DNAI4: variants seen among roughly 807,000 people sequenced by gnomAD.
DNAI4 encodes dynein axonemal intermediate chain 4, also known as WD repeat domain 78.
Under a neutral mutation model 105.8 loss-of-function variants are expected in DNAI4, and 85 were observed. That is an observed-to-expected ratio of 0.80 (90% CI 0.67 to 0.96). The LOEUF is 0.96. Among genes scored for constraint, DNAI4 ranks in the 40% least tolerant of loss-of-function variants. The pLI, the probability that DNAI4 is intolerant of heterozygous loss-of-function variation, is 0.00. For missense variants in DNAI4, 1,014 were observed against 1,005.6 expected, an observed-to-expected ratio of 1.01 and a Z score of -0.11; for synonymous variants, 352 against 331.5, an observed-to-expected ratio of 1.06 and a Z score of -0.67.
chr1:66,896,230 G>T (rs545766307), intron 2 of DNAI4, among the ~76,000 whole-genome samples: 2 of 152,120 alleles, frequency 1.3e-5, no homozygotes, highest in East Asian at 1.9e-4. Context: ...TTCAATTTTT[G>T]TTTGTCTGCT....
chr1:66,894,042 G>T (rs569005723), intron 2 of DNAI4, among the ~76,000 whole-genome samples: 1 of 152,036 alleles, frequency 6.6e-6, no homozygotes, highest in African/African-American at 2.4e-5. Context: ...CATAATATTT[G>T]ATAATAATAA....
At chr1:66,913,229 CT>C (rs1451329412) in intron 1 of DNAI4, among the ~76,000 whole-genome samples, 1 of 152,088 alleles carries the variant, frequency 6.6e-6, no homozygotes, top group African/African-American at 2.4e-5. Context: ...ACCAGCTGGT[CT>C]TAATTTCTCC....
At position 66,834,155 on chromosome 1, in the gene DNAI4, C is replaced by T. The variant is rs1314700695; in HGVS notation, c.1734-7G>A. On this transcript the variant is annotated splice_polypyrimidine_tract_variant and splice_region_variant and intron_variant, in intron 11 of 16. Coordinates refer to ENST00000371026, the MANE Select transcript of DNAI4 (RefSeq NM_024763.5). ...ATGTTTTTGAGGTGATTCACTAAAA[C>T]AGTAAAAAAAATACTAAACATATAA... 4 of 1,588,038 alleles carry T rather than the reference C, an allele frequency of 2.5e-6. No homozygotes were observed. The highest frequency in any genetic ancestry group is 2.3e-5 in the East Asian group (1 of 43,784).
intron 16 of DNAI4, among the ~76,000 whole-genome samples, chr1:66,817,891 C>T (rs1413775997): frequency 6.6e-6 from 1 of 152,114 alleles, no homozygotes; most frequent in Non-Finnish European, 1.5e-5. Context: ...TTAGGTAAAT[C>T]CCCTTAAATG....
At chr1:66,847,409 C>A in intron 8 of DNAI4, 75 bp downstream of exon 8, 1 of 1,415,764 alleles carries the variant, frequency 7.1e-7, no homozygotes, top group South Asian at 1.3e-5. Context: ...TCCTCTTCCT[C>A]AGCCTCCCAA....
intron 1 of DNAI4, among the ~76,000 whole-genome samples, chr1:66,918,737 T>C (rs1463769584): frequency 6.6e-6 from 1 of 152,124 alleles, no homozygotes; most frequent in Non-Finnish European, 1.5e-5. Flanking sequence ...CCATGAGAGA[T>C]CAGATAAAAC....
In DNAI4 at chr1:66,924,776, C is replaced by T. The variant is rs778416970; in HGVS notation, c.56G>A (p.Trp19Ter). 86 of 1,613,826 alleles carry T rather than the reference C, an allele frequency of 5.3e-5. No homozygotes were observed. Among genetic ancestry groups the T allele is most frequent in the Non-Finnish European group, 7.0e-5 (83 of 1,179,806 alleles). Residue 19 changes from tryptophan to a stop codon, truncating the protein, a stop_gained, in exon 1 of 17, where the codon TGG (tryptophan) becomes TAG (stop). Coordinates refer to ENST00000371026, the MANE Select transcript of DNAI4 (RefSeq NM_024763.5). LOFTEE classifies it high-confidence loss of function. ...GCCGCCTCTGAAGTCCCTGTACCCC[C>T]AAGCTCCTCCGTTAGCGGCTCGGGC... Reference protein sequence around the residue: ...ASARAANGGAWGYRDFRGGQK... With the variant: ...ASARAANGGA
At chr1:66,898,686 C>T (rs1366548538) in intron 2 of DNAI4, among the ~76,000 whole-genome samples, 2 of 152,134 alleles carry the variant, frequency 1.3e-5, no homozygotes, top group East Asian at 1.9e-4. Context: ...TTCTCAGCCT[C>T]GAGAAATGTC....
At chr1:66,863,005 G>A (rs1333838760) in intron 6 of DNAI4, among the ~76,000 whole-genome samples, 1 of 152,096 alleles carries the variant, frequency 6.6e-6, no homozygotes, top group Non-Finnish European at 1.5e-5. Flanking sequence ...GCCCCTGCTG[G>A]GAAAATTGAT....
Position 66,827,823 on chromosome 1 carries a change from T to C in DNAI4, c.2101A>G (p.Arg701Gly), listed in dbSNP as rs1288262929. ...SYNEQYLDTY[R>G]GHKGPVYKVT... ...ATAATTAAACTAACCTTATGTCCTC[T>C]GTAGGTATCTAAGTATTGTTCATTA... The change falls in exon 14 of 17, where the codon AGA (arginine) becomes GGA (glycine). Residue 701 changes from arginine (R) to glycine (G), a missense_variant. Physicochemically the swap from Arg to Gly is moderately radical, Grantham distance 125. Coordinates refer to ENST00000371026, the MANE Select transcript of DNAI4 (RefSeq NM_024763.5). The C allele has an allele frequency of 1.1e-5, 18 of 1,582,734 alleles. No individual in the cohort carries two copies. The highest frequency in any genetic ancestry group is 3.5e-4 in the Middle Eastern group (2 of 5,774).
chr1:66,876,659 C>CT (rs1469461767), intron 4 of DNAI4, among the ~76,000 whole-genome samples: 1 of 152,194 alleles, frequency 6.6e-6, no homozygotes, highest in African/African-American at 2.4e-5. Flanking sequence ...AAACCACACT[C>CT]TTTACCTATA....
intron 8 of DNAI4, among the ~76,000 whole-genome samples, chr1:66,844,121 C>G (rs540733279): frequency 6.9e-6 from 1 of 144,054 alleles, no homozygotes; most frequent in East Asian, 2.0e-4. Context: ...TAAACCTTAC[C>G]TTAGTCCATT....
intron 15 of DNAI4, among the ~76,000 whole-genome samples, chr1:66,826,357 G>A (rs1645753872): frequency 6.6e-6 from 1 of 151,624 alleles, no homozygotes; most frequent in South Asian, 2.1e-4. Flanking sequence ...GGAGTACACT[G>A]GCGCAATCTT....
chr1:66,821,091 C>CTTTTTT (rs55811909), intron 16 of DNAI4, among the ~76,000 whole-genome samples: 47 of 80,280 alleles, frequency 5.9e-4, no homozygotes, highest in East Asian at 1.1e-3. Context: ...AAACATTTCT[C>CTTTTTT]TTTTTTTTTT....
chr1:66,835,950 G>A (rs919110847), intron 10 of DNAI4, among the ~76,000 whole-genome samples, 173 bp from the exon 11 acceptor site: 2 of 151,576 alleles, frequency 1.3e-5, no homozygotes, highest in Non-Finnish European at 2.9e-5. Flanking sequence ...AACCTCACTT[G>A]GTCATTTCCT....
intron 1 of DNAI4, among the ~76,000 whole-genome samples, chr1:66,918,688 G>A (rs895180578): frequency 6.6e-6 from 1 of 152,100 alleles, no homozygotes; most frequent in African/African-American, 2.4e-5. Context: ...CTAAAAATGA[G>A]CTTTGGGACC....
At chr1:66,846,532 G>T (rs930529767) in intron 8 of DNAI4, among the ~76,000 whole-genome samples, 2 of 152,158 alleles carry the variant, frequency 1.3e-5, no homozygotes, top group Non-Finnish European at 1.5e-5. Context: ...TCTATTTGAG[G>T]ATTACCAGAT....
At chr1:66,917,438 T>C (rs1214926552) in intron 1 of DNAI4, among the ~76,000 whole-genome samples, 2 of 152,362 alleles carry the variant, frequency 1.3e-5, no homozygotes, top group East Asian at 3.9e-4. Flanking sequence ...CTGATAACTT[T>C]GCAGATTGTG....
chr1:66,922,559 T>C (rs1343929312), intron 1 of DNAI4, among the ~76,000 whole-genome samples: 2 of 152,200 alleles, frequency 1.3e-5, no homozygotes, highest in Non-Finnish European at 2.9e-5. Flanking sequence ...CAGAACCACA[T>C]TGATTACTAC....
Sources: allele counts gnomAD v4.1 joint callset (sites outside exome capture counted in the v4.1 genomes callset), GRCh38; gene constraint gnomAD v4.1.1; transcripts MANE v1.5; gene names NCBI Gene and HGNC (gene_info 2026-07-23, HGNC 2026-07-21).